TMPRSS11F: variants seen among roughly 807,000 people sequenced by gnomAD.
The protein encoded by TMPRSS11F is transmembrane protease serine 11F.
A neutral mutation model predicts 60.2 loss-of-function variants in TMPRSS11F; 47 were observed. The observed-to-expected ratio is 0.78, with a 90% confidence interval of 0.62 to 1.00. The LOEUF (loss-of-function observed/expected upper bound fraction) is 1.00. TMPRSS11F is among the 50% of genes least tolerant of loss of function. TMPRSS11F has a pLI of 0.00. For missense variants in TMPRSS11F, 519 were observed against 522.9 expected (o/e 0.99, Z 0.07); for synonymous variants, 166 against 167.3 (o/e 0.99, Z 0.06).
intron 3 of TMPRSS11F, chr4:68,077,702 A>T (rs1723613649): frequency 6.6e-6 from 1 of 151,202 alleles, no homozygotes; most frequent in Admixed American, 6.6e-5. Context: ...AGGGGAGGCT[A>T]ATCCAGTTGT....
intron 1 of TMPRSS11F, among the ~76,000 whole-genome samples, chr4:68,105,055 T>TG (rs1364486550): frequency 3.5e-5 from 5 of 142,568 alleles, no homozygotes; most frequent in Non-Finnish European, 7.7e-5. Flanking sequence ...CTAGGTTTTT[T>TG]TTTTTTTTTT....
At chr4:68,114,245 A>G (rs1724467445) in intron 1 of TMPRSS11F, among the ~76,000 whole-genome samples, 1 of 151,954 alleles carries the variant, frequency 6.6e-6, no homozygotes, top group Non-Finnish European at 1.5e-5. Context: ...AGCAGAAAAA[A>G]GGAAATAATA....
At chr4:68,091,481 C>T (rs1946827) in intron 2 of TMPRSS11F, among the ~76,000 whole-genome samples, 110,459 of 151,922 alleles carry the variant, frequency 0.73, 40,908 homozygotes, top group East Asian at 0.88. Flanking sequence ...TTAGACCAAA[C>T]CTTTGTCATG....
At chr4:68,117,416 C>T (rs961788186) in intron 1 of TMPRSS11F, among the ~76,000 whole-genome samples, 4 of 136,228 alleles carry the variant, frequency 2.9e-5, no homozygotes, top group African/African-American at 8.3e-5. Flanking sequence ...TGCAGTAAGC[C>T]GAGATCCGGC....
At chr4:68,111,719 T>C (rs62316531) in intron 1 of TMPRSS11F, among the ~76,000 whole-genome samples, 33,028 of 152,122 alleles carry the variant, frequency 0.22, 4,034 homozygotes, top group Admixed American at 0.37. Flanking sequence ...GGACAGTTGA[T>C]ACATTTTACC....
intron 2 of TMPRSS11F, among the ~76,000 whole-genome samples, chr4:68,096,473 A>G (rs998420616): frequency 6.6e-6 from 1 of 152,224 alleles, no homozygotes; most frequent in Non-Finnish European, 1.5e-5. Flanking sequence ...TTGTAAAAAT[A>G]AAACCTGAGA....
At chr4:68,081,230 T>G (rs113176802) in intron 3 of TMPRSS11F, among the ~76,000 whole-genome samples, 1 of 152,180 alleles carries the variant, frequency 6.6e-6, no homozygotes, top group Non-Finnish European at 1.5e-5. Flanking sequence ...AAATTCTGCA[T>G]AGTGGATGGG....
chr4:68,089,880 G>C (rs911435896), intron 3 of TMPRSS11F, among the ~76,000 whole-genome samples: 7 of 152,010 alleles, frequency 4.6e-5, no homozygotes, highest in Non-Finnish European at 8.8e-5. Flanking sequence ...AAGTTTAAAA[G>C]ACTACAATCC....
chr4:68,079,409 AT>A (rs933365160), intron 3 of TMPRSS11F, among the ~76,000 whole-genome samples: 11 of 152,292 alleles, frequency 7.2e-5, no homozygotes, highest in Admixed American at 3.3e-4. Context: ...TAGGAAGGTC[AT>A]GGTGAAAGAA....
At position 68,053,891 on chromosome 4, in the gene TMPRSS11F, AC is replaced by A. The variant is rs756893194; in HGVS notation, c.*17del. ...ATCAGCTCTGTGTGCCATGTGTATAACTCATGGGCAATCCACACTACATACC... is the reference window on the plus strand; with the variant it reads ...ATCAGCTCTGTGTGCCATGTGTATAATCATGGGCAATCCACACTACATACC... On this transcript the variant is annotated 3_prime_UTR_variant, in exon 10 of 10. Transcript: ENST00000356291. The A allele has an allele frequency of 1.2e-6, 2 of 1,606,392 alleles. No homozygotes were observed. The highest frequency in any genetic ancestry group is 4.5e-5 in the East Asian group (2 of 44,788).
chr4:68,053,772 A>G lies in TMPRSS11F; in HGVS notation c.*137T>C. ...ACGTATGTAAAGGCCACCTCAGGAT[A>G]TTAGATTTGTCTGGGTCTGAAGGGC... On this transcript the variant is annotated 3_prime_UTR_variant, in exon 10 of 10. Coordinates refer to ENST00000356291, the MANE Select transcript of TMPRSS11F (RefSeq NM_207407.2). The G allele has an allele frequency of 1.2e-6, 1 of 807,568 alleles. No individual in the cohort carries two copies. Among genetic ancestry groups the G allele is most frequent in the Non-Finnish European group, 1.9e-6 (1 of 525,466 alleles). The allele number at this position is 807,568 out of a possible 1,614,324, so 50.0% of individuals were successfully genotyped here. A position where few individuals can be genotyped will look rare whatever the true frequency, so the allele number is the denominator to read the frequency against.
chr4:68,121,029 T>G (rs760375551), intron 1 of TMPRSS11F, among the ~76,000 whole-genome samples: 4 of 152,218 alleles, frequency 2.6e-5, no homozygotes, highest in South Asian at 2.1e-4. Flanking sequence ...TTCACTTTAT[T>G]GCAGTGGTCT....
intron 1 of TMPRSS11F, among the ~76,000 whole-genome samples, chr4:68,128,606 T>A (rs1037295227): frequency 6.6e-6 from 1 of 152,096 alleles, no homozygotes; most frequent in Admixed American, 6.6e-5. Flanking sequence ...TACTGAAGAA[T>A]TCTGAAATAA....
chr4:68,100,043 C>CA (rs75779257), intron 1 of TMPRSS11F, among the ~76,000 whole-genome samples: 886 of 88,470 alleles, frequency 0.01, 10 homozygotes, highest in South Asian at 0.084. Context: ...CTCACCAGGT[C>CA]AAAAAAAAAA....
chr4:68,110,604 C>G (rs927482260), intron 1 of TMPRSS11F, among the ~76,000 whole-genome samples: 4 of 152,136 alleles, frequency 2.6e-5, no homozygotes, highest in African/African-American at 9.7e-5. Flanking sequence ...AGGCAAGATA[C>G]TGAACCTTTT....
chr4:68,058,278 T>C (rs1247629052), intron 9 of TMPRSS11F, among the ~76,000 whole-genome samples: 1 of 152,242 alleles, frequency 6.6e-6, no homozygotes, highest in Non-Finnish European at 1.5e-5. Flanking sequence ...GTTAATTAGC[T>C]TTACTTAACC....
intron 3 of TMPRSS11F, among the ~76,000 whole-genome samples, chr4:68,081,546 G>A (rs1723696733): frequency 1.3e-5 from 2 of 152,200 alleles, no homozygotes; most frequent in African/African-American, 2.4e-5. Context: ...CTTGTCCTAG[G>A]ATATGTACTT....
At chr4:68,101,595 T>A (rs1441282514) in intron 1 of TMPRSS11F, among the ~76,000 whole-genome samples, 1 of 152,202 alleles carries the variant, frequency 6.6e-6, no homozygotes, top group Non-Finnish European at 1.5e-5. Flanking sequence ...CTAATGCCTT[T>A]AAAATTCCTA....
chr4:68,055,386 G>A (rs73825359), intron 9 of TMPRSS11F, among the ~76,000 whole-genome samples: 8,786 of 152,170 alleles, frequency 0.058, 796 homozygotes, highest in African/African-American at 0.19. Context: ...TAGCAAGACA[G>A]CTAGTGTAGT....
Sources: gnomAD v4.1 joint callset for allele counts (sites outside exome capture counted in the v4.1 genomes callset) on GRCh38, gnomAD v4.1.1 for gene constraint, MANE v1.5 for transcripts, NCBI Gene and HGNC (gene_info 2026-07-23, HGNC 2026-07-21) for gene names.